AGTPBP1: variants seen among roughly 807,000 people sequenced by gnomAD.
The protein encoded by AGTPBP1 is ATP/GTP binding carboxypeptidase 1, also known as cytosolic carboxypeptidase 1.
In AGTPBP1, 70 loss-of-function variants were observed where a neutral mutation model predicts 143.9. That is an observed-to-expected ratio of 0.49 (90% CI 0.40 to 0.59). AGTPBP1 has a LOEUF of 0.59. AGTPBP1 is among the 20% of genes least tolerant of loss of function. The pLI is 0.00. For missense variants in AGTPBP1, 1,229 were observed against 1,464.5 expected (o/e 0.84, Z 2.62); for synonymous variants, 463 against 500.2 (o/e 0.93, Z 0.99).
chr9:85,673,747 T>C (rs1167948704), intron 6 of AGTPBP1, among the ~76,000 whole-genome samples: 1 of 152,132 alleles, frequency 6.6e-6, no homozygotes, highest in East Asian at 1.9e-4. Context: ...ATGCCCAGAC[T>C]TCCCCACTAT....
chr9:85,571,939 G>A (rs990696384), intron 25 of AGTPBP1, among the ~76,000 whole-genome samples: 15 of 145,864 alleles, frequency 1.0e-4, no homozygotes, highest in Admixed American at 1.4e-4. Context: ...ACAGGAGAAA[G>A]AGCTACAGTA....
At chr9:85,804,038 T>C in the AGTPBP1 span, among the ~76,000 whole-genome samples, 3 of 152,110 alleles carry the variant, frequency 2.0e-5, no homozygotes, top group Non-Finnish European at 4.4e-5. Flanking sequence ...AGACTCATCA[T>C]TACCTTTTAC....
chr9:85,784,929 T>G, the AGTPBP1 span, among the ~76,000 whole-genome samples: 1 of 152,218 alleles, frequency 6.6e-6, no homozygotes, highest in Non-Finnish European at 1.5e-5. Context: ...TTTTCAAATT[T>G]TAAATCTTGG....
At chr9:85,743,922 CTTTCT>C (rs1251113221), upstream of AGTPBP1, among the ~76,000 whole-genome samples, 4 of 112,960 alleles carry the variant, frequency 3.5e-5, no homozygotes, top group East Asian at 3.1e-4. Context: ...TTTTCTTTTT[CTTTCT>C]TTTTTTTTTT....
chr9:85,551,786 A>G (rs946120863), intron 25 of AGTPBP1, among the ~76,000 whole-genome samples: 4 of 152,196 alleles, frequency 2.6e-5, no homozygotes, highest in African/African-American at 9.6e-5. Flanking sequence ...TGATTCTCAC[A>G]AAACCTTCAC....
At chr9:85,776,995 T>A in the AGTPBP1 span, among the ~76,000 whole-genome samples, 4 of 152,156 alleles carry the variant, frequency 2.6e-5, no homozygotes, top group Non-Finnish European at 4.4e-5. Flanking sequence ...TCCTGCAAAG[T>A]ATTGTCATGT....
At chr9:85,778,780 T>C in the AGTPBP1 span, among the ~76,000 whole-genome samples, 1 of 152,162 alleles carries the variant, frequency 6.6e-6, no homozygotes, top group African/African-American at 2.4e-5. Context: ...TTTACTGAGG[T>C]AGAAGAGTTC....
At chr9:85,739,474 C>T (rs967740334) in intron 1 of AGTPBP1, among the ~76,000 whole-genome samples, 1 of 151,336 alleles carries the variant, frequency 6.6e-6, no homozygotes, top group Admixed American at 6.6e-5. Flanking sequence ...TTTGGGAGGC[C>T]GAGGTGGGCA....
At position 85,588,464 on chromosome 9, in the gene AGTPBP1, C is replaced by T. The variant is rs1554696622; in HGVS notation, c.2737G>A (p.Val913Ile). 5 of 1,610,538 alleles carry T rather than the reference C, an allele frequency of 3.1e-6. No homozygotes were observed. Among genetic ancestry groups the T allele is most frequent in the Admixed American group, 3.4e-5 (2 of 59,114 alleles). The change falls in exon 21 of 26, where the codon GTT (valine) becomes ATT (isoleucine). Residue 913 changes from valine to isoleucine, a missense_variant. Coordinates refer to ENST00000357081, the MANE Select transcript of AGTPBP1 (RefSeq NM_001330701.2). Reference protein sequence around the residue: ...HICHFRNRPYVFLSARVHPGE... With the variant: ...HICHFRNRPYIFLSARVHPGE... ...GGATGTACCCGAGCAGACAAGAAAACGTAAGGGCGATTTCCTAAAGTACAC... is the reference window on the plus strand; with the variant it reads ...GGATGTACCCGAGCAGACAAGAAAATGTAAGGGCGATTTCCTAAAGTACAC...
chr9:85,634,980 TAAG>T (rs1382650023), intron 13 of AGTPBP1, among the ~76,000 whole-genome samples: 2 of 152,198 alleles, frequency 1.3e-5, no homozygotes, highest in African/African-American at 4.8e-5. Flanking sequence ...ATGTGGTAGA[TAAG>T]AAATATTATC....
At chr9:85,630,623 G>A (rs1831614413) in intron 14 of AGTPBP1, among the ~76,000 whole-genome samples, 1 of 152,080 alleles carries the variant, frequency 6.6e-6, no homozygotes, top group Non-Finnish European at 1.5e-5. Context: ...TGGACTACAG[G>A]TGTGTGCCAT....
Position 85,621,274 on chromosome 9 carries a change from G to A in AGTPBP1, c.2027C>T (p.Ala676Val). The A allele has an allele frequency of 2.1e-6, 3 of 1,441,538 alleles. No homozygotes were observed. The highest frequency in any genetic ancestry group is 3.5e-5 in the South Asian group (2 of 56,626). The allele number at this position is 1,441,538 out of a possible 1,614,324, so 89.3% of individuals were successfully genotyped here. A position where few individuals can be genotyped will look rare whatever the true frequency, so the allele number is the denominator to read the frequency against. ...ATGTATTAGCCTTTCAATATCTTGA[G>A]CAATTTTTGTCCTGAAATCATAAAG... ...RPYGVQRTKI[A>V]QDIERLIHQS... The change falls in exon 15 of 26, where the codon GCT becomes GTT. Residue 676 changes from alanine (A) to valine (V), a missense_variant. By Grantham distance (64) the Ala-to-Val change is moderately conservative (BLOSUM62 0). This residue lies in a region of AGTPBP1 where 743 missense variants were observed against 812.2 expected (regional missense o/e 0.91). Transcript: ENST00000357081.
intron 21 of AGTPBP1, 98 bp from the exon 22 acceptor site, chr9:85,587,058 T>C: frequency 1.4e-6 from 2 of 1,455,192 alleles, no homozygotes; most frequent in Middle Eastern, 1.8e-4. Flanking sequence ...TTTAACTTTA[T>C]GCTTCTATTC....
At chr9:85,649,231 A>G (rs951794594) in intron 11 of AGTPBP1, among the ~76,000 whole-genome samples, 1 of 152,196 alleles carries the variant, frequency 6.6e-6, no homozygotes, top group Non-Finnish European at 1.5e-5. Flanking sequence ...TTATACTACA[A>G]CTGTATGATG....
chr9:85,582,974 T>C (rs1054539152), intron 23 of AGTPBP1, among the ~76,000 whole-genome samples: 6 of 152,076 alleles, frequency 3.9e-5, no homozygotes, highest in African/African-American at 1.4e-4. Context: ...TTATCCTGGA[T>C]TATCTTAGTG....
At chr9:85,706,646 G>A (rs1489705647) in intron 2 of AGTPBP1, among the ~76,000 whole-genome samples, 5 of 152,044 alleles carry the variant, frequency 3.3e-5, no homozygotes, top group East Asian at 1.9e-4. Context: ...TGAGGCGGGC[G>A]GATCACGACA....
chr9:85,621,339 T>C, intron 14 of AGTPBP1, 54 bp from the exon 15 acceptor site: 1 of 834,526 alleles, frequency 1.2e-6, no homozygotes, highest in Non-Finnish European at 1.7e-6. Flanking sequence ...ATGTACAACT[T>C]TCTCCAAAGT....
the AGTPBP1 span, among the ~76,000 whole-genome samples, chr9:85,767,281 A>G: frequency 7.0e-6 from 1 of 142,650 alleles, no homozygotes; most frequent in Non-Finnish European, 1.5e-5. Flanking sequence ...TCCTGGGTTC[A>G]AGCAATTCTC....
At chr9:85,643,523 T>A (rs912398275) in intron 12 of AGTPBP1, among the ~76,000 whole-genome samples, 2 of 152,108 alleles carry the variant, frequency 1.3e-5, no homozygotes, top group African/African-American at 4.8e-5. Flanking sequence ...CCAATACAGA[T>A]TAATGATGAT....
Sources: gnomAD v4.1 joint callset for allele counts (sites outside exome capture counted in the v4.1 genomes callset) on GRCh38, gnomAD v4.1.1 for gene constraint, gnomAD v4.1.1 regional missense constraint, MANE v1.5 for transcripts, NCBI Gene and HGNC (gene_info 2026-07-23, HGNC 2026-07-21) for gene names.